The following PLCB4 variants were observed in gnomAD, a reference collection of about 807,000 sequenced individuals.
The protein encoded by PLCB4 is phospholipase C beta 4.
A neutral mutation model predicts 178.8 loss-of-function variants in PLCB4; 77 were observed. The observed-to-expected ratio is 0.43, with a 90% CI of 0.36 to 0.52. The LOEUF (loss-of-function observed/expected upper bound fraction) is 0.52, where lower values mean the gene tolerates loss of function less well. PLCB4 is among the 20% of genes least tolerant of loss of function. The probability of loss-of-function intolerance (pLI) is 0.00; values close to 1 mark genes in which losing one functional copy is unlikely to be tolerated. For synonymous variants in PLCB4, 496 were observed against 490.8 expected, an observed-to-expected ratio of 1.01 and a Z score of -0.14; for missense variants, 1,024 against 1,453.4, an observed-to-expected ratio of 0.70 and a Z score of 4.80.
intron 2 of PLCB4, among the ~76,000 whole-genome samples, chr20:9,213,787 A>G (rs950424514): frequency 2.0e-5 from 3 of 152,330 alleles, no homozygotes; most frequent in South Asian, 2.1e-4. Context: ...CCAGCAGTGT[A>G]TGAAGTTTCC....
intron 2 of PLCB4, among the ~76,000 whole-genome samples, chr20:9,174,442 G>A (rs1251500838): frequency 6.7e-6 from 1 of 149,654 alleles, no homozygotes; most frequent in African/African-American, 2.5e-5. Flanking sequence ...ACTGCACCTG[G>A]CCTATTCTTC....
At chr20:9,439,299 C>T (rs925960950) in intron 30 of PLCB4, among the ~76,000 whole-genome samples, 4 of 152,156 alleles carry the variant, frequency 2.6e-5, no homozygotes, top group Non-Finnish European at 5.9e-5. Context: ...CAAGTTGTTT[C>T]ACATTATCCT....
At chr20:9,349,188 G>A (rs1172341513) in intron 7 of PLCB4, among the ~76,000 whole-genome samples, 3 of 152,066 alleles carry the variant, frequency 2.0e-5, no homozygotes, top group East Asian at 3.8e-4. Context: ...ACAATTCAGT[G>A]CCATTTAGTA....
chr20:9,441,633 T>C (rs1728240771), intron 30 of PLCB4, among the ~76,000 whole-genome samples: 1 of 152,162 alleles, frequency 6.6e-6, no homozygotes, highest in Admixed American at 6.5e-5. Flanking sequence ...TTGGACATAC[T>C]TCTCAGAGGT....
At position 9,196,805 on chromosome 20, in the gene PLCB4, C is replaced by G. The variant is rs1194321868; in HGVS notation, c.-78-20585C>G. On this transcript the variant is annotated intron_variant, in intron 2 of 39. Coordinates refer to ENST00000378473, the MANE Select transcript of PLCB4 (RefSeq NM_001377142.1). ...TAGCAGAATATTTAGTACAAAGGTT[C>G]TCAGTAAGCGGAGGTGTTATTTTAG... Among the ~76,000 whole-genome samples the G allele has an allele frequency of 2.6e-5, 4 of 152,214 alleles. 1 individual carries two copies. The East Asian group carries it at 7.7e-4, about 29-fold the overall frequency.
At chr20:9,389,304 C>T (rs181548928) in intron 15 of PLCB4, among the ~76,000 whole-genome samples, 7 of 152,256 alleles carry the variant, frequency 4.6e-5, no homozygotes, top group Admixed American at 3.9e-4. Flanking sequence ...AACGAGAACC[C>T]CTTCCCCCGG....
chr20:9,422,606 C>A (rs1276998977), intron 27 of PLCB4, among the ~76,000 whole-genome samples: 1 of 152,088 alleles, frequency 6.6e-6, no homozygotes, highest in African/African-American at 2.4e-5. Context: ...GAGAAAATAC[C>A]CAGCTTAGTG....
chr20:9,463,435 A>T (rs1045657659), intron 35 of PLCB4, among the ~76,000 whole-genome samples: 1 of 152,108 alleles, frequency 6.6e-6, no homozygotes, highest in Non-Finnish European at 1.5e-5. Context: ...TTAAATGTAA[A>T]TAGGCTAAAT....
chr20:9,106,539 GCACA>G (rs374743256), intron 2 of PLCB4, among the ~76,000 whole-genome samples: 26 of 144,208 alleles, frequency 1.8e-4, no homozygotes, highest in Admixed American at 4.2e-4. Context: ...TGACACACAT[GCACA>G]CACACACACA....
At chr20:9,433,846 T>C (rs2041589289) in intron 28 of PLCB4, among the ~76,000 whole-genome samples, 1 of 152,208 alleles carries the variant, frequency 6.6e-6, no homozygotes, top group Non-Finnish European at 1.5e-5. Flanking sequence ...TTAGGGATCA[T>C]GGGTGATAAA....
intron 3 of PLCB4, among the ~76,000 whole-genome samples, chr20:9,298,080 C>A (rs946993657): frequency 6.6e-6 from 1 of 151,952 alleles, no homozygotes; most frequent in South Asian, 2.1e-4. Context: ...AATCTCTGAC[C>A]TTCTTTCCTG....
chr20:9,111,506 G>A (rs2091573837), intron 2 of PLCB4, among the ~76,000 whole-genome samples: 2 of 152,168 alleles, frequency 1.3e-5, no homozygotes, highest in Admixed American at 1.3e-4. Context: ...AGTCTGTGGG[G>A]ATACTCTTGA....
intron 1 of PLCB4, among the ~76,000 whole-genome samples, chr20:9,095,607 G>A (rs2090878436): frequency 6.6e-6 from 1 of 152,120 alleles, no homozygotes; most frequent in African/African-American, 2.4e-5. Flanking sequence ...AAGTGATTTT[G>A]AAAAGTCATA....
chr20:9,444,173 C>T lies in PLCB4; in HGVS notation c.2815-5C>T. 6.3e-7 allele frequency: 1 copy of T among 1,588,356 alleles called. No homozygotes were observed. The highest frequency in any genetic ancestry group is 8.6e-7 in the Non-Finnish European group (1 of 1,161,796). On this transcript the variant is annotated splice_polypyrimidine_tract_variant and splice_region_variant and intron_variant, in intron 31 of 39. Coordinates refer to ENST00000378473, the MANE Select transcript of PLCB4 (RefSeq NM_001377142.1). ...CCTATTTTTGATTCTATTTTTCTCC[C>T]AAAGGCTTACTTGAAGCATTTAAAG... is the stretch of plus-strand genomic sequence containing the variant.
intron 2 of PLCB4, among the ~76,000 whole-genome samples, chr20:9,137,601 A>G (rs2092408674): frequency 6.6e-6 from 1 of 152,186 alleles, no homozygotes; most frequent in Non-Finnish European, 1.5e-5. Context: ...TGTAATTCAA[A>G]GAAATAGAAG....
chr20:9,426,644 T>C, intron 28 of PLCB4, among the ~76,000 whole-genome samples: 1 of 152,176 alleles, frequency 6.6e-6, no homozygotes, highest in South Asian at 2.1e-4. Flanking sequence ...CCCAAAGTGC[T>C]GGGATTACAG....
intron 2 of PLCB4, among the ~76,000 whole-genome samples, chr20:9,121,131 C>T (rs1297676039): frequency 2.0e-5 from 3 of 152,176 alleles, no homozygotes; most frequent in South Asian, 4.1e-4. Flanking sequence ...GGAGGCCCTA[C>T]CTGTCAATTT....
intron 2 of PLCB4, among the ~76,000 whole-genome samples, chr20:9,132,599 A>C (rs1001707490): frequency 3.9e-5 from 6 of 152,210 alleles, no homozygotes; most frequent in Non-Finnish European, 2.9e-5. Flanking sequence ...AATTAGATCC[A>C]GTTGAGAGTG....
intron 3 of PLCB4, among the ~76,000 whole-genome samples, chr20:9,251,188 G>C (rs558818724): frequency 2.6e-5 from 4 of 152,142 alleles, no homozygotes; most frequent in Non-Finnish European, 5.9e-5. Flanking sequence ...TTTGCCACCT[G>C]GTTTTGTTAG....
Sources: allele counts gnomAD v4.1 joint callset (sites outside exome capture counted in the v4.1 genomes callset), GRCh38; gene constraint gnomAD v4.1.1; transcripts MANE v1.5; gene names NCBI Gene and HGNC (gene_info 2026-07-23, HGNC 2026-07-21).